The following EPYC variants were observed in gnomAD, a reference collection of about 807,000 sequenced individuals.
EPYC encodes dermatan sulfate proteoglycan 3.
EPYC carries 28 observed loss-of-function variants against 30.1 expected under a neutral mutation model. That is an observed-to-expected ratio of 0.93 (90% confidence interval 0.69 to 1.28). The LOEUF is 1.28. Ranked by LOEUF, EPYC falls within the 50% of genes most tolerant of loss-of-function variation. The pLI is 0.00. For synonymous variants in EPYC, 144 were observed against 141.4 expected (o/e 1.02, Z -0.13); for missense variants, 382 against 383.5 (o/e 1.00, Z 0.03).
intron 2 of EPYC, among the ~76,000 whole-genome samples, chr12:90,984,847 G>A (rs1254645468): frequency 6.6e-6 from 1 of 152,070 alleles, no homozygotes; most frequent in East Asian, 1.9e-4. Flanking sequence ...AAGCTGTAGG[G>A]GGAGGGGAAT....
intron 2 of EPYC, among the ~76,000 whole-genome samples, chr12:90,985,404 G>A (rs1179854426): frequency 6.6e-6 from 1 of 152,110 alleles, no homozygotes; most frequent in Non-Finnish European, 1.5e-5. Flanking sequence ...CAGATATGAG[G>A]AGAAAGCTCC....
At chr12:90,984,886 C>A (rs1465226757) in intron 2 of EPYC, among the ~76,000 whole-genome samples, 1 of 152,114 alleles carries the variant, frequency 6.6e-6, no homozygotes, top group Non-Finnish European at 1.5e-5. Flanking sequence ...ATGTTCCCCT[C>A]TCCCTCTCTG....
chr12:91,003,413 A>G (rs1024826319), intron 1 of EPYC, among the ~76,000 whole-genome samples: 1 of 152,066 alleles, frequency 6.6e-6, no homozygotes, highest in Non-Finnish European at 1.5e-5. Flanking sequence ...ATTTGGTAAG[A>G]TTCCCTTGTA....
At chr12:90,985,857 C>A (rs1173542104) in intron 2 of EPYC, among the ~76,000 whole-genome samples, 2 of 152,050 alleles carry the variant, frequency 1.3e-5, no homozygotes, top group Non-Finnish European at 2.9e-5. Context: ...GTAAGTTTAA[C>A]CATTGAAGGC....
At chr12:90,990,799 A>T (rs1190430239) in intron 2 of EPYC, among the ~76,000 whole-genome samples, 1 of 144,752 alleles carries the variant, frequency 6.9e-6, no homozygotes, top group African/African-American at 2.9e-5. Context: ...TTAGCATGAT[A>T]AAAAAACACC....
At chr12:90,995,113 C>T (rs570922484) in intron 2 of EPYC, among the ~76,000 whole-genome samples, 126 of 152,150 alleles carry the variant, frequency 8.3e-4, no homozygotes, top group African/African-American at 2.9e-3. Context: ...CATTTGTTTC[C>T]GTGATCTACA....
rs151128680 is a variant in EPYC, at chr12:90,972,886, G to A, written c.435C>T (p.Thr145=). The A allele has an allele frequency of 1.1e-4, 176 of 1,613,448 alleles. No individual in the cohort carries two copies. In the Middle Eastern group the frequency reaches 1.3e-3, roughly 12 times the overall value. ...TGTTAAAGCGGGAATAGAAATAAGC[G>A]GTGTTCTTTGGCAGCGGAGGAATAG... ...LDAIPPLPKN[T]AYFYSRFNRI... Residue 145 remains threonine (T), a synonymous_variant, in exon 4 of 7, where the codon ACC becomes ACT. Transcript: ENST00000261172.
chr12:90,965,953 T>TAC (rs1349137002), intron 6 of EPYC, among the ~76,000 whole-genome samples: 8 of 152,050 alleles, frequency 5.3e-5, no homozygotes, highest in Non-Finnish European at 1.2e-4. Context: ...ATATCCTGCA[T>TAC]ACAATTGATA....
intron 1 of EPYC, among the ~76,000 whole-genome samples, chr12:91,003,575 T>A (rs1877881439): frequency 6.6e-6 from 1 of 152,134 alleles, no homozygotes. Flanking sequence ...TGAATACATT[T>A]TGGTTTAGAA....
At chr12:90,975,656 G>A (rs1287731116) in intron 3 of EPYC, among the ~76,000 whole-genome samples, 4 of 151,996 alleles carry the variant, frequency 2.6e-5, no homozygotes, top group Non-Finnish European at 5.9e-5. Context: ...TGTTGTTTCT[G>A]GCTAAGCTGA....
chr12:90,998,834 G>C (rs1215278923), intron 2 of EPYC, among the ~76,000 whole-genome samples: 1 of 152,000 alleles, frequency 6.6e-6, no homozygotes, highest in Non-Finnish European at 1.5e-5. Flanking sequence ...CTCTCCCAAG[G>C]GTCTCACAAG....
At position 90,998,345 on chromosome 12, in the gene EPYC, G is replaced by A. The variant is rs1877744054; in HGVS notation, c.165+4056C>T. 2.6e-5 allele frequency among the ~76,000 whole-genome samples: 4 copies of A among 152,062 alleles called. No individual in the cohort carries two copies. The South Asian group carries it at 8.3e-4, about 32-fold the overall frequency. On this transcript the variant is annotated intron_variant, in intron 2 of 6. Coordinates refer to ENST00000261172, the MANE Select transcript of EPYC (RefSeq NM_004950.5). Reference sequence around the variant, plus strand: ...TCACACCAATAAATGTACTTACTGGGTAATATATAGCACTCTGATGGCATT... The same window carrying A: ...TCACACCAATAAATGTACTTACTGGATAATATATAGCACTCTGATGGCATT...
Position 90,964,133 on chromosome 12 carries a change from G to A in EPYC, c.*23C>T, listed in dbSNP as rs201241116. On this transcript the variant is annotated 3_prime_UTR_variant, in exon 7 of 7. Coordinates refer to ENST00000261172, the MANE Select transcript of EPYC (RefSeq NM_004950.5). ...GAATGGTTTATTTATAGTAGCCATC[G>A]TAATGCTAACCATTATCTGAAATTA... 4.9e-5 allele frequency: 78 copies of A among 1,595,316 alleles called. No homozygotes were observed. In the Admixed American group the frequency reaches 1.1e-3, roughly 23 times the overall value.
At chr12:90,967,341 A>T in intron 6 of EPYC, among the ~76,000 whole-genome samples, 1 of 150,550 alleles carries the variant, frequency 6.6e-6, no homozygotes, top group South Asian at 2.1e-4. Context: ...CTTTCTTGAG[A>T]TTTCTATTTT....
intron 2 of EPYC, among the ~76,000 whole-genome samples, chr12:90,994,267 A>T (rs1877650680): frequency 6.6e-6 from 1 of 152,188 alleles, no homozygotes; most frequent in Non-Finnish European, 1.5e-5. Context: ...GATCATCAGC[A>T]CATAAGCTTC....
intron 3 of EPYC, among the ~76,000 whole-genome samples, 160 bp from the exon 4 acceptor site, chr12:90,973,140 T>C: frequency 6.6e-6 from 1 of 152,184 alleles, no homozygotes; most frequent in Non-Finnish European, 1.5e-5. Flanking sequence ...AAGTCAAGCA[T>C]ACCAATTAAA....
intron 2 of EPYC, among the ~76,000 whole-genome samples, chr12:90,979,880 T>C (rs1036870984): frequency 1.3e-5 from 2 of 152,206 alleles, no homozygotes; most frequent in Admixed American, 6.5e-5. Flanking sequence ...CTGAGACAAA[T>C]CAGTGAATGT....
chr12:90,992,659 T>G (rs772171758), intron 2 of EPYC, among the ~76,000 whole-genome samples: 1 of 152,160 alleles, frequency 6.6e-6, no homozygotes, highest in African/African-American at 2.4e-5. Context: ...CATTGCATAT[T>G]TACAAACTGT....
intron 2 of EPYC, among the ~76,000 whole-genome samples, chr12:90,981,266 A>C (rs759438757): frequency 2.0e-5 from 3 of 152,128 alleles, no homozygotes; most frequent in Non-Finnish European, 2.9e-5. Flanking sequence ...CCATGTAAGC[A>C]ACATATCACC....
Sources: gnomAD v4.1 joint callset for allele counts (sites outside exome capture counted in the v4.1 genomes callset) on GRCh38, gnomAD v4.1.1 for gene constraint, MANE v1.5 for transcripts, NCBI Gene and HGNC (gene_info 2026-07-23, HGNC 2026-07-21) for gene names.